Variants in KIAA0825 observed in about 807,000 individuals in gnomAD.
The protein encoded by KIAA0825 is KIAA0825, also known as uncharacterized protein KIAA0825.
Under a neutral mutation model 147.6 loss-of-function variants are expected in KIAA0825, and 119 were observed. The ratio of observed to expected loss-of-function variants is 0.81; its 90% CI spans 0.69 to 0.94. The LOEUF (loss-of-function observed/expected upper bound fraction) is 0.94, where lower values mean the gene tolerates loss of function less well. KIAA0825 is among the 40% of genes least tolerant of loss of function. KIAA0825 has a pLI of 0.00. For missense variants in KIAA0825, 1,381 were observed against 1,472.7 expected (o/e 0.94, Z 1.02); for synonymous variants, 470 against 518.1 (o/e 0.91, Z 1.26).
At chr5:94,269,965 T>C (rs1458455559) in intron 20 of KIAA0825, among the ~76,000 whole-genome samples, 1 of 151,962 alleles carries the variant, frequency 6.6e-6, no homozygotes, top group African/African-American at 2.4e-5. Flanking sequence ...AAAGGAGACA[T>C]TACAGCCAAT....
intron 3 of KIAA0825, among the ~76,000 whole-genome samples, chr5:94,524,784 G>A (rs1171244251): frequency 6.6e-6 from 1 of 151,594 alleles, no homozygotes; most frequent in Non-Finnish European, 1.5e-5. Context: ...TATTTATAAG[G>A]CATAAAATAA....
chr5:94,496,714 A>G (rs1764402968), intron 5 of KIAA0825, among the ~76,000 whole-genome samples: 1 of 152,210 alleles, frequency 6.6e-6, no homozygotes, highest in African/African-American at 2.4e-5. Context: ...TTCTTTATCT[A>G]TGATGAACAT....
At position 94,591,509 on chromosome 5, in the gene KIAA0825, C is replaced by T. The variant is rs561218710; in HGVS notation, c.-152-8926G>A. ...ACCCCCCAAAAAAGCCTGCCTCATT[C>T]TGGTCTTTAGCTGACTTTAGCATAC... On this transcript the variant is annotated intron_variant, in intron 1 of 20. Transcript: ENST00000682413. Among the ~76,000 whole-genome samples, 3 of 152,300 alleles carry T rather than the reference C, an allele frequency of 2.0e-5. No homozygotes were observed. In the South Asian group the frequency reaches 6.2e-4, roughly 32 times the overall value.
At chr5:94,593,566 G>A in intron 1 of KIAA0825, 2 of 561,062 alleles carry the variant, frequency 3.6e-6, no homozygotes, top group Non-Finnish European at 6.7e-6. Context: ...AGGACCTGAA[G>A]AAAAGAAACA....
intron 1 of KIAA0825, among the ~76,000 whole-genome samples, chr5:94,596,733 G>A (rs1277108413): frequency 6.6e-6 from 1 of 152,030 alleles, no homozygotes; most frequent in African/African-American, 2.4e-5. Context: ...CCATTTATTT[G>A]TGTCATCTCT....
chr5:94,538,863 T>C (rs1286882782), intron 2 of KIAA0825, among the ~76,000 whole-genome samples: 2 of 152,140 alleles, frequency 1.3e-5, no homozygotes, highest in Non-Finnish European at 2.9e-5. Flanking sequence ...AGCAAGCACA[T>C]ATCTGATGAT....
intron 20 of KIAA0825, among the ~76,000 whole-genome samples, chr5:94,223,431 C>T (rs1432465634): frequency 3.3e-5 from 5 of 152,150 alleles, no homozygotes; most frequent in Admixed American, 2.0e-4. Context: ...CATTTCAGTC[C>T]TGATGATGGT....
intron 2 of KIAA0825, among the ~76,000 whole-genome samples, chr5:94,545,207 C>T (rs1774113631): frequency 6.6e-6 from 1 of 152,168 alleles, no homozygotes; most frequent in South Asian, 2.1e-4. Flanking sequence ...GCGATCAGAA[C>T]TTGAGTTTCT....
intron 20 of KIAA0825, among the ~76,000 whole-genome samples, chr5:94,274,240 G>A (rs1234712931): frequency 2.0e-5 from 3 of 152,022 alleles, no homozygotes; most frequent in African/African-American, 7.2e-5. Flanking sequence ...ACATAAGGCT[G>A]GTTATTAATA....
At chr5:94,179,474 A>G (rs1307092580) in intron 20 of KIAA0825, among the ~76,000 whole-genome samples, 4 of 152,098 alleles carry the variant, frequency 2.6e-5, no homozygotes, top group African/African-American at 4.8e-5. Context: ...GTGCATAAAC[A>G]CTGTTTGGTT....
chr5:94,361,277 G>A (rs1381516913), intron 20 of KIAA0825, among the ~76,000 whole-genome samples: 1 of 151,966 alleles, frequency 6.6e-6, no homozygotes, highest in East Asian at 1.9e-4. Flanking sequence ...GCTTTTTGAG[G>A]GCAGGGCTCC....
intron 14 of KIAA0825, among the ~76,000 whole-genome samples, chr5:94,435,976 G>GT (rs143470244): frequency 4.6e-5 from 7 of 151,952 alleles, no homozygotes; most frequent in Non-Finnish European, 1.0e-4. Flanking sequence ...CTGGTTAGTT[G>GT]TTTTTTCATT....
chr5:94,519,635 T>C (rs1046098288), intron 5 of KIAA0825: 1 of 619,480 alleles, frequency 1.6e-6, no homozygotes, highest in Non-Finnish European at 2.0e-6. Context: ...CCTAATCAAC[T>C]ACAATACAGA....
At chr5:94,227,305 C>A (rs973097257) in intron 20 of KIAA0825, among the ~76,000 whole-genome samples, 1 of 151,736 alleles carries the variant, frequency 6.6e-6, no homozygotes, top group Non-Finnish European at 1.5e-5. Context: ...GAACAAAAAA[C>A]CAAACACCGC....
intron 18 of KIAA0825, among the ~76,000 whole-genome samples, chr5:94,387,698 TAA>T (rs377558263): frequency 8.4e-5 from 9 of 107,276 alleles, no homozygotes; most frequent in African/African-American, 1.0e-4. Flanking sequence ...ATCTCAAAAA[TAA>T]AAAAAAAAAA....
chr5:94,539,510 G>C (rs1772835914), intron 2 of KIAA0825, among the ~76,000 whole-genome samples: 1 of 152,078 alleles, frequency 6.6e-6, no homozygotes, highest in Non-Finnish European at 1.5e-5. Context: ...GGCTAACTTT[G>C]GGCAAGTGGT....
At chr5:94,410,616 A>G (rs1752630244) in intron 15 of KIAA0825, among the ~76,000 whole-genome samples, 1 of 152,366 alleles carries the variant, frequency 6.6e-6, no homozygotes, top group Middle Eastern at 3.4e-3. Flanking sequence ...ATTACATAAA[A>G]GGAAACAGAT....
At chr5:94,562,864 C>A (rs1777794332) in intron 2 of KIAA0825, among the ~76,000 whole-genome samples, 1 of 152,146 alleles carries the variant, frequency 6.6e-6, no homozygotes, top group Non-Finnish European at 1.5e-5. Flanking sequence ...TAGGTATAGA[C>A]TGCAGGGGAG....
chr5:94,571,263 T>C (rs1479562010), intron 2 of KIAA0825, among the ~76,000 whole-genome samples: 1 of 152,240 alleles, frequency 6.6e-6, no homozygotes, highest in African/African-American at 2.4e-5. Context: ...TTCACAATAC[T>C]GTCAAGTGTT....
Sources: allele counts gnomAD v4.1 joint callset (sites outside exome capture counted in the v4.1 genomes callset), GRCh38; gene constraint gnomAD v4.1.1; transcripts MANE v1.5; gene names NCBI Gene and HGNC (gene_info 2026-07-23, HGNC 2026-07-21).